The following AGBL1 variants were observed in gnomAD, a reference collection of about 807,000 sequenced individuals.
AGBL1 encodes AGBL carboxypeptidase 1.
AGBL1 carries 130 observed loss-of-function variants against 118.9 expected under a neutral mutation model. The ratio of observed to expected loss-of-function variants is 1.09; its 90% CI spans 0.95 to 1.26. The LOEUF (loss-of-function observed/expected upper bound fraction) is 1.26. Ranked by LOEUF, AGBL1 falls within the 50% of genes most tolerant of loss-of-function variation. The pLI is 0.00. For synonymous variants in AGBL1, 555 were observed against 478.9 expected (o/e 1.16, Z -2.08); for missense variants, 1,584 against 1,298.1 (o/e 1.22, Z -3.38).
intron 22 of AGBL1, among the ~76,000 whole-genome samples, chr15:86,747,224 C>T (rs372908307): frequency 3.9e-5 from 6 of 152,028 alleles, no homozygotes; most frequent in South Asian, 4.1e-4. Context: ...AGAGTATTTT[C>T]CTGCCTCAAA....
intron 21 of AGBL1, among the ~76,000 whole-genome samples, chr15:86,652,778 C>T (rs1013768883): frequency 6.6e-6 from 1 of 152,142 alleles, no homozygotes; most frequent in Non-Finnish European, 1.5e-5. Flanking sequence ...TATACACACA[C>T]TTCAGTGTGT....
intron 5 of AGBL1, among the ~76,000 whole-genome samples, chr15:86,160,268 TAAA>T (rs1423258368): frequency 2.6e-5 from 4 of 152,018 alleles, no homozygotes; most frequent in African/African-American, 4.8e-5. Context: ...AACTTCAAAA[TAAA>T]AAACTCAGGG....
chr15:86,602,924 A>G (rs2084518273), intron 21 of AGBL1, among the ~76,000 whole-genome samples: 1 of 152,146 alleles, frequency 6.6e-6, no homozygotes, highest in Admixed American at 6.6e-5. Flanking sequence ...GGTCTCATTC[A>G]TAATAGTGAC....
chr15:86,442,716 G>C (rs2082079233), intron 18 of AGBL1, among the ~76,000 whole-genome samples: 1 of 152,190 alleles, frequency 6.6e-6, no homozygotes, highest in Non-Finnish European at 1.5e-5. Context: ...TATAGCTCTG[G>C]TGGATTATGG....
chr15:86,631,731 C>T (rs1266680162), intron 21 of AGBL1, among the ~76,000 whole-genome samples: 2 of 152,154 alleles, frequency 1.3e-5, no homozygotes, highest in Non-Finnish European at 2.9e-5. Context: ...TTTAGGGTAG[C>T]TAGAGGGCCC....
chr15:86,796,308 A>G (rs1416568978), intron 22 of AGBL1, among the ~76,000 whole-genome samples: 2 of 152,220 alleles, frequency 1.3e-5, no homozygotes, highest in Non-Finnish European at 2.9e-5. Flanking sequence ...TGAACATAAT[A>G]CACTCTGTCC....
intron 18 of AGBL1, among the ~76,000 whole-genome samples, chr15:86,521,602 T>C (rs186366156): frequency 8.8e-4 from 134 of 152,234 alleles, no homozygotes; most frequent in Non-Finnish European, 1.6e-3. Flanking sequence ...CCCTGCAGAT[T>C]GATCCCCTAA....
chr15:86,605,371 T>G lies in AGBL1; in HGVS notation c.2994+50834T>G, dbSNP rs1229166798. ...TCTGTGAAATCAGCATGCTTTGCTT[T>G]TTGATTTCTGATGTCTCTTTCTTCT... On this transcript the variant is annotated intron_variant, in intron 21 of 22. Transcript: ENST00000614907. Among the ~76,000 whole-genome samples the G allele has an allele frequency of 2.0e-5, 3 of 152,308 alleles. No individual in the cohort carries two copies. In the East Asian group the frequency reaches 5.8e-4, roughly 29 times the overall value.
intron 5 of AGBL1, among the ~76,000 whole-genome samples, chr15:86,221,241 A>G (rs555234562): frequency 6.6e-6 from 1 of 152,270 alleles, no homozygotes; most frequent in Non-Finnish European, 1.5e-5. Context: ...CCTATTCTAT[A>G]AAATCAGTGC....
intron 7 of AGBL1, among the ~76,000 whole-genome samples, chr15:86,251,185 G>A (rs896335331): frequency 1.3e-5 from 2 of 152,126 alleles, no homozygotes; most frequent in East Asian, 3.8e-4. Flanking sequence ...ACTGAGGCAC[G>A]TAACTGTTAA....
intron 3 of AGBL1, 53 bp from the exon 4 acceptor site, chr15:86,154,377 C>T (rs1046838581): frequency 5.1e-6 from 8 of 1,582,454 alleles, no homozygotes; most frequent in Non-Finnish European, 6.0e-6. Context: ...ACTCATTGTA[C>T]AATCCAGAAT....
intron 22 of AGBL1, among the ~76,000 whole-genome samples, chr15:86,885,504 C>T (rs535610083): frequency 1.3e-5 from 2 of 152,300 alleles, no homozygotes; most frequent in African/African-American, 4.8e-5. Context: ...GTGACACTCT[C>T]TATATCATGT....
chr15:86,305,461 A>G (rs890215726), intron 17 of AGBL1, among the ~76,000 whole-genome samples: 2 of 152,188 alleles, frequency 1.3e-5, no homozygotes, highest in African/African-American at 4.8e-5. Context: ...TTAAAGAAAA[A>G]GAGTTCTAAA....
At chr15:86,382,352 A>G (rs942720162) in intron 17 of AGBL1, among the ~76,000 whole-genome samples, 2 of 152,122 alleles carry the variant, frequency 1.3e-5, no homozygotes, top group Admixed American at 6.5e-5. Flanking sequence ...GCAGATCTCA[A>G]TTTCCCATTT....
At chr15:86,765,447 C>T (rs1326845130) in intron 22 of AGBL1, among the ~76,000 whole-genome samples, 4 of 151,780 alleles carry the variant, frequency 2.6e-5, no homozygotes, top group South Asian at 2.1e-4. Context: ...TGTATTATAG[C>T]GAGGGCAGGA....
chr15:86,598,968 G>A (rs1307466913), intron 21 of AGBL1, among the ~76,000 whole-genome samples: 1 of 152,084 alleles, frequency 6.6e-6, no homozygotes, highest in Non-Finnish European at 1.5e-5. Flanking sequence ...TTTCTCAAGT[G>A]TAATGGGAGA....
Position 86,269,915 on chromosome 15 carries a change from G to C in AGBL1, c.1839-4G>C. The C allele has an allele frequency of 6.2e-7, 1 of 1,613,238 alleles. No homozygotes were observed. Among genetic ancestry groups the C allele is most frequent in the Admixed American group, 1.7e-5 (1 of 59,990 alleles). ...AACCCTCCAGTCTTGCTTCTGATCTGCAGGTTCGAGTATGACTTGCTGGTC... is the reference window on the plus strand; with the variant it reads ...AACCCTCCAGTCTTGCTTCTGATCTCCAGGTTCGAGTATGACTTGCTGGTC... On this transcript the variant is annotated splice_polypyrimidine_tract_variant and splice_region_variant and intron_variant, in intron 13 of 22. Coordinates refer to ENST00000614907, the MANE Select transcript of AGBL1 (RefSeq NM_001386094.1).
rs1344000539 is a variant in AGBL1 at position 86,640,760 on chromosome 15, T to C, written c.2995-33513T>C. On this transcript the variant is annotated intron_variant, in intron 21 of 22. Transcript: ENST00000614907. ...ATTAAGAGTTTAATTAGTAGGTCAA[T>C]GGTATGACCTTTTAAAATATATTTA... is the stretch of plus-strand genomic sequence containing the variant. Among the ~76,000 whole-genome samples, 5 of 152,162 alleles carry C rather than the reference T, an allele frequency of 3.3e-5. 1 individual carries two copies. Among genetic ancestry groups the C allele is most frequent in the African/African-American group, 1.2e-4 (5 of 41,462 alleles).
intron 17 of AGBL1, among the ~76,000 whole-genome samples, chr15:86,339,416 C>G (rs944731414): frequency 2.6e-5 from 4 of 152,116 alleles, no homozygotes; most frequent in African/African-American, 9.7e-5. Context: ...ACCATTATTT[C>G]TTTTAGTTCC....
Sources: gnomAD v4.1 joint callset for allele counts (sites outside exome capture counted in the v4.1 genomes callset) on GRCh38, gnomAD v4.1.1 for gene constraint, MANE v1.5 for transcripts, NCBI Gene and HGNC (gene_info 2026-07-23, HGNC 2026-07-21) for gene names.